The following FBH1 variants were observed in gnomAD, a reference collection of about 807,000 sequenced individuals.
FBH1 encodes F-box DNA helicase 1.
Under a neutral mutation model 115.5 loss-of-function variants are expected in FBH1, and 43 were observed. That is an observed-to-expected ratio of 0.37 (90% CI 0.29 to 0.48). The LOEUF (loss-of-function observed/expected upper bound fraction) is 0.48, where lower values mean the gene tolerates loss of function less well. Among genes scored for constraint, FBH1 ranks in the 20% least tolerant of loss-of-function variants. The pLI is 0.99. For synonymous variants in FBH1, 524 were observed against 507.8 expected (o/e 1.03, Z -0.43); for missense variants, 1,001 against 1,337.3 (o/e 0.75, Z 3.92).
Position 5,925,197 on chromosome 10 carries a change from G to A in FBH1, c.2597-170G>A, listed in dbSNP as rs1236589843. The A allele has an allele frequency of 1.2e-5, 9 of 772,674 alleles. No individual in the cohort carries two copies. Among genetic ancestry groups the A allele is most frequent in the South Asian group, 3.8e-5 (2 of 52,054 alleles). The allele number at this position is 772,674 out of a possible 1,614,324, so 47.9% of individuals were successfully genotyped here. A position where few individuals can be genotyped will look rare whatever the true frequency, so the allele number is the denominator to read the frequency against. On this transcript the variant is annotated intron_variant, in intron 17 of 20. Coordinates refer to ENST00000362091, the MANE Select transcript of FBH1 (RefSeq NM_178150.3). The surrounding 1 kb of genome is among the most constrained non-coding windows in gnomAD (Gnocchi z 4.6). ...TCGTCTTTTTCTTTTTTCTGTTCCC[G>A]ACAGTTGTCTGTTCCCGACAGTTGT...
Position 5,923,055 on chromosome 10 carries a change from G to T in FBH1, c.2323-566G>T, listed in dbSNP as rs1832404664. On this transcript the variant is annotated intron_variant, in intron 15 of 20. Coordinates refer to ENST00000362091, the MANE Select transcript of FBH1 (RefSeq NM_178150.3). The surrounding 1 kb of genome is among the most constrained non-coding windows in gnomAD (Gnocchi z 5.7). ...CTGCCACCACACCCGGCTAATTTTT[G>T]TATTTTTGGTAGAGACGGGGTTTCA... Among the ~76,000 whole-genome samples the T allele has an allele frequency of 6.6e-6, 1 of 152,074 alleles. No individual in the cohort carries two copies. Among genetic ancestry groups the T allele is most frequent in the Non-Finnish European group, 1.5e-5 (1 of 68,010 alleles).
chr10:5,894,604 G>A, intron 1 of FBH1: 2 of 759,646 alleles, frequency 2.6e-6, no homozygotes, highest in East Asian at 4.9e-5. Context: ...TGCAAAAGCT[G>A]TAAAGCACTT....
Position 5,918,590 on chromosome 10 carries a change from C to G in FBH1, c.2100+112C>G. 5 of 1,328,800 alleles carry G rather than the reference C, an allele frequency of 3.8e-6. No individual in the cohort carries two copies. The highest frequency in any genetic ancestry group is 3.4e-5 in the South Asian group (2 of 58,164). The allele number at this position is 1,328,800 out of a possible 1,614,324, so 82.3% of individuals were successfully genotyped here. A position where few individuals can be genotyped will look rare whatever the true frequency, so the allele number is the denominator to read the frequency against. On this transcript the variant is annotated intron_variant, in intron 13 of 20. Transcript: ENST00000362091. The surrounding 1 kb of genome is among the most constrained non-coding windows in gnomAD (Gnocchi z 4.0). ...CACCAGATCTAGCAAATCCTTGCTT[C>G]TAAGCCATGGTTCTCAAAGTGTGGT...
rs768304178 is a variant in FBH1 at position 5,890,325 on chromosome 10, G to A, written c.-21G>A. On this transcript the variant is annotated 5_prime_UTR_variant, in exon 1 of 21. Coordinates refer to ENST00000362091, the MANE Select transcript of FBH1 (RefSeq NM_178150.3). ...GCGGGCCCGGCGGCGGCGGCAGCGG[G>A]GTCCGGGTCCGGAGCGCCACAGTGC... 17 of 377,228 alleles carry A rather than the reference G, an allele frequency of 4.5e-5. No homozygotes were observed. Among genetic ancestry groups the A allele is most frequent in the Non-Finnish European group, 4.9e-6 (1 of 202,916 alleles). The allele number at this position is 377,228 out of a possible 1,614,324, so 23.4% of individuals were successfully genotyped here.
In FBH1 at chr10:5,906,430, C is replaced by G; in HGVS notation, c.551C>G (p.Ala184Gly). ...GAGTCTGGTGAAACCGACCAAGATG[C>G]TGGGGACGTGGGTCCTGATCCCATT... ...SAESGETDQD[A>G]GDVGPDPIPD... is the part of the protein sequence containing the mutation. The change falls in exon 3 of 21, where the codon GCT becomes GGT. Residue 184 changes from alanine (A) to glycine (G), a missense_variant. By Grantham distance (60) the Ala-to-Gly change is moderately conservative (BLOSUM62 0). This residue lies in a region of FBH1 where 420 missense variants were observed against 430.4 expected (regional missense o/e 0.98). Coordinates refer to ENST00000362091, the MANE Select transcript of FBH1 (RefSeq NM_178150.3). This position sits in a 1 kb window ranked among gnomAD's most constrained non-coding sequence, Gnocchi z 7.3. The G allele has an allele frequency of 6.2e-7, 1 of 1,614,188 alleles. No individual in the cohort carries two copies. The highest frequency in any genetic ancestry group is 8.5e-7 in the Non-Finnish European group (1 of 1,180,000).
At chr10:5,904,239 C>T (rs939617944) in intron 2 of FBH1, among the ~76,000 whole-genome samples, 3 of 151,916 alleles carry the variant, frequency 2.0e-5, no homozygotes, top group South Asian at 4.1e-4. Flanking sequence ...TGCTACGTTG[C>T]CCAGGCTGGT....
chr10:5,934,390 T>G (rs1250033995), intron 19 of FBH1: 1 of 141,666 alleles, frequency 7.1e-6, no homozygotes, highest in Admixed American at 7.0e-5. Context: ...TTTTTTTTTT[T>G]TGAGATGGAG....
Position 5,923,820 on chromosome 10 carries a change from T to C in FBH1, c.2398+124T>C. On this transcript the variant is annotated intron_variant, in intron 16 of 20. Coordinates refer to ENST00000362091, the MANE Select transcript of FBH1 (RefSeq NM_178150.3). This position sits in a 1 kb window ranked among gnomAD's most constrained non-coding sequence, Gnocchi z 5.7. ...CCAGAGAAGGGCGAGCTAGTGTTGCTGTCTTCCCATGACGAGGGGGGTGCC... is the reference window on the plus strand; with the variant it reads ...CCAGAGAAGGGCGAGCTAGTGTTGCCGTCTTCCCATGACGAGGGGGGTGCC... 2 of 858,558 alleles carry C rather than the reference T, an allele frequency of 2.3e-6. No individual in the cohort carries two copies. The highest frequency in any genetic ancestry group is 3.6e-6 in the Non-Finnish European group (2 of 548,814). 53.2% of individuals were successfully genotyped at this position (858,558 alleles called of 1,614,324 possible). A position where few individuals can be genotyped will look rare whatever the true frequency, so the allele number is the denominator to read the frequency against.
intron 19 of FBH1, among the ~76,000 whole-genome samples, chr10:5,928,960 C>T (rs752052687): frequency 5.9e-5 from 9 of 152,184 alleles, no homozygotes; most frequent in East Asian, 3.8e-4. Flanking sequence ...GGGTGAGCCG[C>T]GCCGTACTGC....
At chr10:5,904,584 A>C (rs1482490434) in intron 2 of FBH1, among the ~76,000 whole-genome samples, 1 of 152,228 alleles carries the variant, frequency 6.6e-6, no homozygotes, top group Non-Finnish European at 1.5e-5. Context: ...GGCTGGGAGC[A>C]GTAGCTCATG....
At position 5,932,906 on chromosome 10, in the gene FBH1, G is replaced by A. The variant is rs1185426493; in HGVS notation, c.2830-3550G>A. On this transcript the variant is annotated intron_variant, in intron 19 of 20. Transcript: ENST00000362091. This position sits in a 1 kb window ranked among gnomAD's most constrained non-coding sequence, Gnocchi z 5.9. ...CTAATTCTGTATTTTTTGTAGAGAC[G>A]GGGTTTTGTCTGTTTCCCAGGCTGG... is the stretch of plus-strand genomic sequence containing the variant. Among the ~76,000 whole-genome samples, 2 of 151,912 alleles carry A rather than the reference G, an allele frequency of 1.3e-5. No homozygotes were observed. The highest frequency in any genetic ancestry group is 2.0e-4 in the East Asian group (1 of 5,128).
In FBH1 at chr10:5,935,037, A is replaced by G. The variant is rs146937821; in HGVS notation, c.2830-1419A>G. On this transcript the variant is annotated intron_variant, in intron 19 of 20. Transcript: ENST00000362091. The surrounding 1 kb of genome is among the most constrained non-coding windows in gnomAD (Gnocchi z 5.2). ...GTTATGAGAGGCTTAAAAAGAGTTAAATGGCATAAAATCTAAAGAAATCAG... is the reference window on the plus strand; with the variant it reads ...GTTATGAGAGGCTTAAAAAGAGTTAGATGGCATAAAATCTAAAGAAATCAG... 1 of 152,352 alleles carries G rather than the reference A, an allele frequency of 6.6e-6. No homozygotes were observed. The highest frequency in any genetic ancestry group is 1.9e-4 in the East Asian group (1 of 5,188). 9.4% of individuals were successfully genotyped at this position (152,352 alleles called of 1,614,324 possible).
upstream of FBH1, chr10:5,889,663 A>C (rs1210077871): frequency 5.5e-6 from 1 of 181,850 alleles, no homozygotes; most frequent in Non-Finnish European, 1.1e-5. Context: ...ATGAGCACGG[A>C]GGGGCCTGGG....
intron 1 of FBH1, among the ~76,000 whole-genome samples, chr10:5,896,756 A>G (rs1335536772): frequency 6.6e-6 from 1 of 152,044 alleles, no homozygotes; most frequent in Non-Finnish European, 1.5e-5. Context: ...GCTTCCCTTT[A>G]TCTGTGGTCA....
At chr10:5,903,535 G>C (rs1188422127) in intron 2 of FBH1, among the ~76,000 whole-genome samples, 5 of 151,804 alleles carry the variant, frequency 3.3e-5, no homozygotes, top group Non-Finnish European at 5.9e-5. Context: ...CTCCATGTTG[G>C]TCAGGCTGGT....
intron 3 of FBH1, among the ~76,000 whole-genome samples, chr10:5,907,436 T>C (rs1202355831): frequency 1.3e-5 from 2 of 151,624 alleles, no homozygotes; most frequent in Non-Finnish European, 2.9e-5. Flanking sequence ...CTTTGACCCA[T>C]TGGTTGTTTT....
chr10:5,936,918 T>C lies in FBH1; in HGVS notation c.2962-192T>C. 1 of 635,956 alleles carries C rather than the reference T, an allele frequency of 1.6e-6. No individual in the cohort carries two copies. The highest frequency in any genetic ancestry group is 2.7e-6 in the Non-Finnish European group (1 of 371,242). The allele number at this position is 635,956 out of a possible 1,614,324, so 39.4% of individuals were successfully genotyped here. On this transcript the variant is annotated intron_variant, in intron 20 of 20. Coordinates refer to ENST00000362091, the MANE Select transcript of FBH1 (RefSeq NM_178150.3). The surrounding 1 kb of genome is among the most constrained non-coding windows in gnomAD (Gnocchi z 5.6). Reference sequence around the variant, plus strand: ...ATGACTGTTTCTGAGCTCAGGGAATTTGGGGGTGTTGAGGCCACCTAGTTG... The same window carrying C: ...ATGACTGTTTCTGAGCTCAGGGAATCTGGGGGTGTTGAGGCCACCTAGTTG...
Position 5,924,797 on chromosome 10 carries a change from C to G in FBH1, c.2596+289C>G. The G allele has an allele frequency of 2.0e-6, 1 of 501,874 alleles. No individual in the cohort carries two copies. Among genetic ancestry groups the G allele is most frequent in the South Asian group, 1.6e-5 (1 of 64,374 alleles). The allele number at this position is 501,874 out of a possible 1,614,324, so 31.1% of individuals were successfully genotyped here. ...GCCAGGCTGGTCTCGAACTCCCAAC[C>G]TCAGGTAATCTGCCCACCTCGACCT... On this transcript the variant is annotated intron_variant, in intron 17 of 20. Coordinates refer to ENST00000362091, the MANE Select transcript of FBH1 (RefSeq NM_178150.3). This position sits in a 1 kb window ranked among gnomAD's most constrained non-coding sequence, Gnocchi z 6.2.
chr10:5,905,441 C>T (rs1460705191), intron 2 of FBH1, among the ~76,000 whole-genome samples: 1 of 152,214 alleles, frequency 6.6e-6, no homozygotes, highest in Non-Finnish European at 1.5e-5. Context: ...TCACTTGAAC[C>T]TGGGAGGTGG....
Sources: gnomAD v4.1 joint callset for allele counts (sites outside exome capture counted in the v4.1 genomes callset) on GRCh38, gnomAD v4.1.1 for gene constraint, gnomAD v4.1.1 regional missense constraint, Gnocchi (gnomAD v3.1) non-coding constraint, MANE v1.5 for transcripts, NCBI Gene and HGNC (gene_info 2026-07-23, HGNC 2026-07-21) for gene names.